Variants in ZNF76 observed in about 807,000 individuals in gnomAD.
ZNF76 encodes the protein zinc finger protein 523.
In ZNF76, 66 loss-of-function variants were observed where a neutral mutation model predicts 66.9. That is an observed-to-expected ratio of 0.99 (90% CI 0.81 to 1.21). ZNF76 has a LOEUF of 1.21. ZNF76 is among the 50% of genes most tolerant of loss of function. ZNF76 has a pLI of 0.00. For synonymous variants in ZNF76, 275 were observed against 296.1 expected, an observed-to-expected ratio of 0.93 and a Z score of 0.73; for missense variants, 729 against 760.3, an observed-to-expected ratio of 0.96 and a Z score of 0.48.
At chr6:35,271,498 G>A (rs951465669) in intron 1 of ZNF76, among the ~76,000 whole-genome samples, 4 of 152,094 alleles carry the variant, frequency 2.6e-5, no homozygotes, top group Non-Finnish European at 5.9e-5. Context: ...GCCAAACCCC[G>A]TCTCTACTAA....
In ZNF76 at chr6:35,292,974, A is replaced by G. The variant is rs1158994532; in HGVS notation, c.1259A>G (p.Gln420Arg). 6.2e-7 allele frequency: 1 copy of G among 1,614,232 alleles called. No homozygotes were observed. The highest frequency in any genetic ancestry group is 2.2e-5 in the East Asian group (1 of 44,888). ...GAAGAGAGAGATGACATCCCAGCCCAGGTGGCGATGGTGACTGAAGAAGAT... is the reference window on the plus strand; with the variant it reads ...GAAGAGAGAGATGACATCCCAGCCCGGGTGGCGATGGTGACTGAAGAAGAT... ...VKEERDDIPAQVAMVTEEDGA... is the reference protein window; with the variant it reads ...VKEERDDIPARVAMVTEEDGA... The change falls in exon 11 of 14, where the codon CAG becomes CGG. Residue 420 changes from glutamine to arginine, a missense_variant. Coordinates refer to ENST00000373953, the MANE Select transcript of ZNF76 (RefSeq NM_003427.5). This position sits in a 1 kb window ranked among gnomAD's most constrained non-coding sequence, Gnocchi z 4.7.
chr6:35,292,452 CCTCTGGCT>C lies in ZNF76; in HGVS notation c.932-98_932-91del. The C allele has an allele frequency of 8.2e-7, 1 of 1,217,286 alleles. No homozygotes were observed. Among genetic ancestry groups the C allele is most frequent in the Middle Eastern group, 2.4e-4 (1 of 4,212 alleles). 75.4% of individuals were successfully genotyped at this position (1,217,286 alleles called of 1,614,324 possible). ...TCTCAGGTCTCAGTCCCTCTCCCTC[CCTCTGGCT>C]CTCCCTTCACCAACCCTGTCCCTCA... On this transcript the variant is annotated intron_variant, in intron 9 of 13. Transcript: ENST00000373953. This position sits in a 1 kb window ranked among gnomAD's most constrained non-coding sequence, Gnocchi z 4.7.
intron 5 of ZNF76, among the ~76,000 whole-genome samples, chr6:35,289,809 T>G (rs981408979): frequency 3.3e-5 from 5 of 152,108 alleles, no homozygotes; most frequent in African/African-American, 1.2e-4. Context: ...CCCCCTTGTT[T>G]ATGTACTTTT....
intron 9 of ZNF76, 118 bp downstream of exon 9, chr6:35,291,855 C>A: frequency 1.6e-6 from 2 of 1,268,760 alleles, no homozygotes; most frequent in South Asian, 1.3e-5. Flanking sequence ...GCCAGCCATT[C>A]CAGGCTGGTC....
At chr6:35,283,613 G>T (rs913705028) in intron 2 of ZNF76, among the ~76,000 whole-genome samples, 1 of 152,198 alleles carries the variant, frequency 6.6e-6, no homozygotes, top group Non-Finnish European at 1.5e-5. Flanking sequence ...TCTCTCCATT[G>T]TAGTCTCTGG....
chr6:35,262,673 C>A (rs1435739842), intron 1 of ZNF76, among the ~76,000 whole-genome samples: 1 of 152,190 alleles, frequency 6.6e-6, no homozygotes, highest in Admixed American at 6.5e-5. Flanking sequence ...CCACCTTCTG[C>A]CATCCTCAGC....
chr6:35,290,110 C>A, intron 5 of ZNF76, 156 bp from the exon 6 acceptor site: 2 of 952,998 alleles, frequency 2.1e-6, no homozygotes, highest in Admixed American at 2.3e-5. Flanking sequence ...CATGCCCCAG[C>A]ATCTGTTCCT....
chr6:35,270,825 G>A (rs1786937684), intron 1 of ZNF76, among the ~76,000 whole-genome samples: 1 of 152,030 alleles, frequency 6.6e-6, no homozygotes, highest in Non-Finnish European at 1.5e-5. Flanking sequence ...CCAAAGTGCT[G>A]GGATTACAGG....
chr6:35,277,141 A>G (rs569203365), intron 1 of ZNF76, among the ~76,000 whole-genome samples: 1 of 152,192 alleles, frequency 6.6e-6, no homozygotes, highest in African/African-American at 2.4e-5. Context: ...GTCTTCTGAC[A>G]CAGTGCAGTT....
intron 1 of ZNF76, among the ~76,000 whole-genome samples, chr6:35,264,352 G>C (rs1179112837): frequency 6.6e-6 from 1 of 152,180 alleles, no homozygotes; most frequent in Non-Finnish European, 1.5e-5. Context: ...GGTAAGATAG[G>C]TTGTTTGACG....
At chr6:35,294,915 A>C (rs970388772) in intron 13 of ZNF76, 2 of 581,604 alleles carry the variant, frequency 3.4e-6, no homozygotes, top group African/African-American at 1.9e-5. Flanking sequence ...TCCGTGAGCA[A>C]GTGGGTCTCT....
At chr6:35,272,948 G>A (rs1042503294) in intron 1 of ZNF76, among the ~76,000 whole-genome samples, 7 of 152,072 alleles carry the variant, frequency 4.6e-5, no homozygotes, top group African/African-American at 7.2e-5. Context: ...GAGGTCAGGC[G>A]TTCGAGACCA....
intron 1 of ZNF76, among the ~76,000 whole-genome samples, chr6:35,269,046 T>C (rs1786585776): frequency 1.3e-5 from 2 of 151,918 alleles, no homozygotes; most frequent in African/African-American, 4.8e-5. Context: ...TTTGGGAGGC[T>C]GAGGCGGGTG....
Position 35,294,660 on chromosome 6 carries a change from G to A in ZNF76, c.1608+91G>A, listed in dbSNP as rs368735242. On this transcript the variant is annotated intron_variant, in intron 13 of 13. Coordinates refer to ENST00000373953, the MANE Select transcript of ZNF76 (RefSeq NM_003427.5). ...ATTAGATGAGGATCTTGAAGAGAAG[G>A]GCATCTGACTCAAAAAGAGCCCATT... 15 of 914,690 alleles carry A rather than the reference G, an allele frequency of 1.6e-5. No homozygotes were observed. The East Asian group carries it at 2.0e-4, about 12-fold the overall frequency. 56.7% of individuals were successfully genotyped at this position (914,690 alleles called of 1,614,324 possible). A position where few individuals can be genotyped will look rare whatever the true frequency, so the allele number is the denominator to read the frequency against.
chr6:35,264,029 G>A (rs553223356), intron 1 of ZNF76, among the ~76,000 whole-genome samples: 1 of 152,214 alleles, frequency 6.6e-6, no homozygotes, highest in East Asian at 1.9e-4. Context: ...AGGATTACAG[G>A]CATGAGCCAC....
chr6:35,260,082 C>T (rs1394111133), intron 1 of ZNF76, among the ~76,000 whole-genome samples: 1 of 152,106 alleles, frequency 6.6e-6, no homozygotes, highest in Non-Finnish European at 1.5e-5. Context: ...CCGCCTCCAC[C>T]CTTGTGACCC....
chr6:35,280,529 C>CCCT (rs1302696640), intron 1 of ZNF76, among the ~76,000 whole-genome samples: 4 of 127,276 alleles, frequency 3.1e-5, no homozygotes, highest in Admixed American at 8.1e-5. Context: ...CCCCCCCCCC[C>CCCT]GCCCTGAAGT....
rs1163467645 is a variant in ZNF76, at chr6:35,271,526, C to T, written c.-96-9530C>T. 5.3e-5 allele frequency among the ~76,000 whole-genome samples: 8 copies of T among 152,232 alleles called. No homozygotes were observed. The East Asian group carries it at 1.2e-3, about 22-fold the overall frequency. ...TCTACTAAAAATACAAAAAATTTCC[C>T]GGGGGTGATGGCTCGTGTCTGTAGT... On this transcript the variant is annotated intron_variant, in intron 1 of 13. Transcript: ENST00000373953.
intron 1 of ZNF76, among the ~76,000 whole-genome samples, chr6:35,278,388 G>A (rs974814473): frequency 1.3e-5 from 2 of 152,144 alleles, no homozygotes; most frequent in Admixed American, 6.5e-5. Flanking sequence ...GGCTGGTCTC[G>A]AACTCCTGGA....
Sources: gnomAD v4.1 joint callset for allele counts (sites outside exome capture counted in the v4.1 genomes callset) on GRCh38, gnomAD v4.1.1 for gene constraint, Gnocchi (gnomAD v3.1) non-coding constraint, MANE v1.5 for transcripts, NCBI Gene and HGNC (gene_info 2026-07-23, HGNC 2026-07-21) for gene names.